USP42: variants seen among roughly 807,000 people sequenced by gnomAD.
USP42 encodes ubiquitin specific peptidase 42, also known as ubiquitin carboxyl-terminal hydrolase 42.
USP42 carries 23 observed loss-of-function variants against 113.0 expected under a neutral mutation model. The ratio of observed to expected loss-of-function variants is 0.20; its 90% CI spans 0.15 to 0.29. The LOEUF (loss-of-function observed/expected upper bound fraction) is 0.29, where lower values mean the gene tolerates loss of function less well. Among genes scored for constraint, USP42 ranks in the 10% least tolerant of loss-of-function variants. The pLI, the probability that USP42 is intolerant of heterozygous loss-of-function variation, is 1.00. For synonymous variants in USP42, 933 were observed against 699.0 expected (o/e 1.33, Z -5.28); for missense variants, 2,174 against 1,779.8 (o/e 1.22, Z -3.99).
chr7:6,146,349 A>AG, intron 11 of USP42, 101 bp downstream of exon 11: 1 of 824,754 alleles, frequency 1.2e-6, no homozygotes, highest in Non-Finnish European at 1.8e-6. Flanking sequence ...AAAAAAAAAA[A>AG]AAACCCAGCA....
chr7:6,112,900 C>CTTTTTTTTTT (rs34002709), intron 2 of USP42, among the ~76,000 whole-genome samples: 1 of 102,768 alleles, frequency 9.7e-6, no homozygotes, highest in African/African-American at 4.0e-5. Flanking sequence ...TAGTAAGTTT[C>CTTTTTTTTTT]TTTTTTTTTT....
intron 14 of USP42, among the ~76,000 whole-genome samples, chr7:6,151,377 CTT>C (rs1164052016): frequency 3.9e-5 from 6 of 152,258 alleles, no homozygotes; most frequent in African/African-American, 1.4e-4. Context: ...CTGTTTGACT[CTT>C]TTGTAATAAC....
the USP42 span, among the ~76,000 whole-genome samples, chr7:6,082,887 A>T: frequency 2.7e-5 from 4 of 148,628 alleles, no homozygotes; most frequent in Middle Eastern, 3.5e-3. Flanking sequence ...CTGGGATTAC[A>T]GGTGTGAGCC....
At chr7:6,117,499 A>G (rs1016081707) in intron 3 of USP42, among the ~76,000 whole-genome samples, 3 of 152,204 alleles carry the variant, frequency 2.0e-5, no homozygotes, top group Admixed American at 6.5e-5. Context: ...TTAAGCTGCT[A>G]TGAACATTAG....
intron 2 of USP42, among the ~76,000 whole-genome samples, chr7:6,112,652 T>C (rs1779659251): frequency 6.6e-6 from 1 of 152,180 alleles, no homozygotes; most frequent in African/African-American, 2.4e-5. Flanking sequence ...TTGTTTGGCT[T>C]AGAGCATGCA....
At chr7:6,119,706 GTTT>G (rs1219388851) in intron 3 of USP42, among the ~76,000 whole-genome samples, 1 of 151,686 alleles carries the variant, frequency 6.6e-6, no homozygotes. Flanking sequence ...TGTTGTTGTT[GTTT>G]TGTTTTTTTT....
the USP42 span, among the ~76,000 whole-genome samples, chr7:6,086,766 G>A: frequency 0.012 from 1,659 of 144,062 alleles, 122 homozygotes; most frequent in African/African-American, 0.042. Context: ...CGCTCTTGTC[G>A]CCCAGGCTGG....
chr7:6,116,151 A>G (rs1027319975), intron 3 of USP42, among the ~76,000 whole-genome samples: 5 of 151,112 alleles, frequency 3.3e-5, no homozygotes, highest in Non-Finnish European at 7.4e-5. Flanking sequence ...GGGACAGGCG[A>G]GGTTAAGAAA....
chr7:6,148,047 A>AC (rs1562844799), intron 12 of USP42, among the ~76,000 whole-genome samples, 155 bp downstream of exon 12: 1 of 152,206 alleles, frequency 6.6e-6, no homozygotes, highest in African/African-American at 2.4e-5. Flanking sequence ...TTTCAAATAT[A>AC]CAGAAAACGG....
At chr7:6,125,105 C>T (rs534746751) in intron 3 of USP42, among the ~76,000 whole-genome samples, 21 of 147,744 alleles carry the variant, frequency 1.4e-4, no homozygotes, top group African/African-American at 3.8e-4. Flanking sequence ...CGCTTGATCC[C>T]GGGAGTTGGA....
In USP42 at chr7:6,154,305, G is replaced by A; in HGVS notation, c.2751G>A (p.Glu917=). 3 of 1,583,382 alleles carry A rather than the reference G, an allele frequency of 1.9e-6. No homozygotes were observed. Among genetic ancestry groups the A allele is most frequent in the East Asian group, 2.3e-5 (1 of 43,002 alleles). Residue 917 remains glutamate (E), a synonymous_variant, in exon 15 of 18, where the codon GAG becomes GAA. Transcript: ENST00000306177. ...CCGGTCACCCGGAAGGGGACGCTGAGCCTAGCCCCGGCGAGAGGGTCGAGG... is the reference window on the plus strand; with the variant it reads ...CCGGTCACCCGGAAGGGGACGCTGAACCTAGCCCCGGCGAGAGGGTCGAGG... The part of the protein sequence containing the change: ...APAGHPEGDA[E]PSPGERVEDA...
At chr7:6,113,044 C>G (rs1349731539) in intron 2 of USP42, among the ~76,000 whole-genome samples, 1 of 151,708 alleles carries the variant, frequency 6.6e-6, no homozygotes, top group African/African-American at 2.4e-5. Flanking sequence ...GCTGGGACTA[C>G]AGGTGCGCGC....
intron 7 of USP42, among the ~76,000 whole-genome samples, chr7:6,142,707 G>A (rs1238028688): frequency 6.6e-6 from 1 of 151,938 alleles, no homozygotes; most frequent in African/African-American, 2.4e-5. Context: ...AATATAGTGA[G>A]ACCCCTGTCT....
chr7:6,144,538 A>G (rs1213516982), intron 9 of USP42, among the ~76,000 whole-genome samples: 3 of 152,206 alleles, frequency 2.0e-5, no homozygotes, highest in African/African-American at 7.2e-5. Flanking sequence ...ACTAAATAGC[A>G]TGCAAGAGAA....
At chr7:6,101,549 A>T (rs1162753499), upstream of USP42, among the ~76,000 whole-genome samples, 4 of 151,368 alleles carry the variant, frequency 2.6e-5, no homozygotes, top group African/African-American at 4.9e-5. Context: ...GGGCCAGTTT[A>T]TCATCTCAGC....
chr7:6,129,858 C>CT (rs1339176823), intron 3 of USP42, among the ~76,000 whole-genome samples: 2 of 131,196 alleles, frequency 1.5e-5, no homozygotes, highest in Non-Finnish European at 3.2e-5. Flanking sequence ...GAGACTCTGT[C>CT]TCAAAAAAAA....
chr7:6,082,389 A>T, the USP42 span, among the ~76,000 whole-genome samples: 1 of 151,580 alleles, frequency 6.6e-6, no homozygotes, highest in Non-Finnish European at 1.5e-5. Context: ...TGGCCTCCCG[A>T]AGTGCTGGGA....
the USP42 span, among the ~76,000 whole-genome samples, chr7:6,084,230 T>A: frequency 6.6e-6 from 1 of 151,212 alleles, no homozygotes; most frequent in Non-Finnish European, 1.5e-5. Flanking sequence ...TTTCACCATG[T>A]TGACCAGGCT....
At chr7:6,113,548 A>G (rs1779714820) in intron 2 of USP42, among the ~76,000 whole-genome samples, 1 of 152,088 alleles carries the variant, frequency 6.6e-6, no homozygotes, top group African/African-American at 2.4e-5. Flanking sequence ...GCCTGCCTAA[A>G]TAACCACTAA....
Sources: allele counts gnomAD v4.1 joint callset (sites outside exome capture counted in the v4.1 genomes callset), GRCh38; gene constraint gnomAD v4.1.1; transcripts MANE v1.5; gene names NCBI Gene and HGNC (gene_info 2026-07-23, HGNC 2026-07-21).